The following GOLPH3 variants were observed in gnomAD, a reference collection of about 807,000 sequenced individuals.
GOLPH3 encodes coat protein GPP34.
A neutral mutation model predicts 28.5 loss-of-function variants in GOLPH3; 14 were observed. That is an observed-to-expected ratio of 0.49 (90% CI 0.32 to 0.77). GOLPH3 has a LOEUF of 0.77. GOLPH3 is among the 30% of genes least tolerant of loss of function. GOLPH3 has a pLI of 0.03. For missense variants in GOLPH3, 350 were observed against 393.7 expected (o/e 0.89, Z 0.94); for synonymous variants, 158 against 159.2 (o/e 0.99, Z 0.06).
At chr5:32,148,131 C>G (rs1472568047) in intron 1 of GOLPH3, among the ~76,000 whole-genome samples, 1 of 152,154 alleles carries the variant, frequency 6.6e-6, no homozygotes, top group African/African-American at 2.4e-5. Flanking sequence ...TTCCATCTAT[C>G]TGGGGAAGAC....
chr5:32,144,751 C>T lies in GOLPH3; in HGVS notation c.226-871G>A, dbSNP rs758271344. ...AAGGGCAGCATCCACAGTGGAAGAA[C>T]GGCCAGACATAAGGAGGTTGATAGA... On this transcript the variant is annotated intron_variant, in intron 1 of 3. Coordinates refer to ENST00000265070, the MANE Select transcript of GOLPH3 (RefSeq NM_022130.4). Among the ~76,000 whole-genome samples, 6 of 152,248 alleles carry T rather than the reference C, an allele frequency of 3.9e-5. No individual in the cohort carries two copies. The East Asian group carries it at 5.8e-4, about 15-fold the overall frequency.
intron 1 of GOLPH3, among the ~76,000 whole-genome samples, chr5:32,153,739 A>T (rs186223939): frequency 7.8e-4 from 119 of 152,350 alleles, no homozygotes; most frequent in Non-Finnish European, 1.4e-3. Flanking sequence ...AAAACCACGT[A>T]AACAGATTTT....
At chr5:32,173,423 T>C (rs981912380) in intron 1 of GOLPH3, among the ~76,000 whole-genome samples, 3 of 151,788 alleles carry the variant, frequency 2.0e-5, no homozygotes, top group African/African-American at 4.8e-5. Context: ...AAAGAGTTCG[T>C]GGCGCTGGTG....
intron 3 of GOLPH3, among the ~76,000 whole-genome samples, chr5:32,128,390 G>T (rs924980189): frequency 6.6e-6 from 1 of 152,192 alleles, no homozygotes; most frequent in Non-Finnish European, 1.5e-5. Flanking sequence ...AGGCGCGGTG[G>T]CTCAAACCTG....
rs2111829542 is a variant in GOLPH3, at chr5:32,125,959, G to T, written c.*253C>A. On this transcript the variant is annotated 3_prime_UTR_variant, in exon 4 of 4. Transcript: ENST00000265070. Reference sequence around the variant, plus strand: ...AAAGTAGACCAGAAACCCAAAACAGGTAACAGTGAGGATGGCAACAGGGAA... The same window carrying T: ...AAAGTAGACCAGAAACCCAAAACAGTTAACAGTGAGGATGGCAACAGGGAA... 1 of 412,374 alleles carries T rather than the reference G, an allele frequency of 2.4e-6. No individual in the cohort carries two copies. The highest frequency in any genetic ancestry group is 4.3e-6 in the Non-Finnish European group (1 of 231,286). 25.5% of individuals were successfully genotyped at this position (412,374 alleles called of 1,614,324 possible). A position where few individuals can be genotyped will look rare whatever the true frequency, so the allele number is the denominator to read the frequency against.
intron 1 of GOLPH3, among the ~76,000 whole-genome samples, chr5:32,162,837 G>T (rs946409350): frequency 6.6e-6 from 1 of 152,204 alleles, no homozygotes; most frequent in Non-Finnish European, 1.5e-5. Context: ...CCAGCACTTT[G>T]GGAGGCAGAG....
intron 1 of GOLPH3, among the ~76,000 whole-genome samples, chr5:32,165,351 CGTGG>C (rs559559107): frequency 6.6e-6 from 1 of 151,982 alleles, no homozygotes; most frequent in South Asian, 2.1e-4. Context: ...GGGAGGCCAA[CGTGG>C]GTGGATCACA....
intron 1 of GOLPH3, among the ~76,000 whole-genome samples, chr5:32,167,370 C>T (rs529703221): frequency 6.6e-6 from 1 of 152,198 alleles, no homozygotes; most frequent in African/African-American, 2.4e-5. Context: ...CAGGGGTTCA[C>T]CATGTTGGCC....
Position 32,125,819 on chromosome 5 carries a change from G to A in GOLPH3, c.*393C>T, listed in dbSNP as rs997744237. On this transcript the variant is annotated 3_prime_UTR_variant, in exon 4 of 4. Transcript: ENST00000265070. Reference sequence around the variant, plus strand: ...TTTGGTGAGTTGAAGGCCTTTTTGTGACTTCTGTCTGAACTGTAGGCAGAA... The same window carrying A: ...TTTGGTGAGTTGAAGGCCTTTTTGTAACTTCTGTCTGAACTGTAGGCAGAA... 5.9e-6 allele frequency: 1 copy of A among 168,112 alleles called. No individual in the cohort carries two copies. Among genetic ancestry groups the A allele is most frequent in the African/African-American group, 2.4e-5 (1 of 41,884 alleles). 10.4% of individuals were successfully genotyped at this position (168,112 alleles called of 1,614,324 possible). A position where few individuals can be genotyped will look rare whatever the true frequency, so the allele number is the denominator to read the frequency against.
At chr5:32,152,510 C>G (rs1258754281) in intron 1 of GOLPH3, among the ~76,000 whole-genome samples, 1 of 145,968 alleles carries the variant, frequency 6.9e-6, no homozygotes, top group Non-Finnish European at 1.5e-5. Context: ...TGGCCGGGTG[C>G]AGTGGCTCAC....
At chr5:32,131,676 C>CT (rs1745827728) in intron 3 of GOLPH3, among the ~76,000 whole-genome samples, 1 of 152,262 alleles carries the variant, frequency 6.6e-6, no homozygotes. Flanking sequence ...TCATAGTTTA[C>CT]TTTTTTTGGT....
chr5:32,147,503 C>CA (rs1746205345), intron 1 of GOLPH3, among the ~76,000 whole-genome samples: 1 of 150,598 alleles, frequency 6.6e-6, no homozygotes, highest in Admixed American at 6.6e-5. Context: ...ATTATGAAAT[C>CA]GTGTGTGTGT....
intron 2 of GOLPH3, among the ~76,000 whole-genome samples, chr5:32,139,594 G>C (rs893667526): frequency 6.6e-5 from 10 of 152,130 alleles, no homozygotes; most frequent in African/African-American, 2.4e-4. Context: ...TCAATGACTC[G>C]AGTTAGTTCT....
At chr5:32,167,096 G>A (rs1003246037) in intron 1 of GOLPH3, among the ~76,000 whole-genome samples, 1 of 152,132 alleles carries the variant, frequency 6.6e-6, no homozygotes, top group Non-Finnish European at 1.5e-5. Flanking sequence ...TTATAAAAGT[G>A]TATTTCTTTA....
At chr5:32,151,719 GATAA>G (rs1009844430) in intron 1 of GOLPH3, among the ~76,000 whole-genome samples, 2 of 152,020 alleles carry the variant, frequency 1.3e-5, no homozygotes, top group Admixed American at 6.6e-5. Flanking sequence ...CATGAATTTG[GATAA>G]ATATAGTATA....
intron 1 of GOLPH3, among the ~76,000 whole-genome samples, chr5:32,144,485 G>A: frequency 6.6e-6 from 1 of 152,194 alleles, no homozygotes; most frequent in East Asian, 1.9e-4. Context: ...AGCTACCCAG[G>A]AAGCTAAGGC....
At chr5:32,165,065 A>G (rs2111893535) in intron 1 of GOLPH3, among the ~76,000 whole-genome samples, 1 of 151,658 alleles carries the variant, frequency 6.6e-6, no homozygotes, top group East Asian at 2.0e-4. Flanking sequence ...CTGCCTGGCT[A>G]ATTTTTGTAT....
intron 2 of GOLPH3, among the ~76,000 whole-genome samples, chr5:32,142,617 G>C (rs1333435151): frequency 7.3e-6 from 1 of 136,870 alleles, no homozygotes; most frequent in Non-Finnish European, 1.6e-5. Context: ...TCAGCCCCCT[G>C]CCCGGCCAGC....
intron 3 of GOLPH3, among the ~76,000 whole-genome samples, chr5:32,129,530 T>A (rs1745777464): frequency 6.6e-6 from 1 of 152,166 alleles, no homozygotes; most frequent in African/African-American, 2.4e-5. Context: ...GAAAATAACA[T>A]TCATAATATA....
Sources: allele counts gnomAD v4.1 joint callset (sites outside exome capture counted in the v4.1 genomes callset), GRCh38; gene constraint gnomAD v4.1.1; transcripts MANE v1.5; gene names NCBI Gene and HGNC (gene_info 2026-07-23, HGNC 2026-07-21).